OTOGL: variants seen among roughly 807,000 people sequenced by gnomAD.
OTOGL encodes the protein otogelin-like protein.
A neutral mutation model predicts 318.5 loss-of-function variants in OTOGL; 285 were observed. The ratio of observed to expected loss-of-function variants is 0.89; its 90% confidence interval spans 0.81 to 0.99. The LOEUF (loss-of-function observed/expected upper bound fraction) is 0.99, where lower values mean the gene tolerates loss of function less well. Ranked by LOEUF, OTOGL falls within the 50% of genes least tolerant of loss-of-function variation. OTOGL has a pLI of 0.00. For synonymous variants in OTOGL, 987 were observed against 936.5 expected (o/e 1.05, Z -0.99); for missense variants, 2,899 against 2,845.6 (o/e 1.02, Z -0.43).
intron 9 of OTOGL, among the ~76,000 whole-genome samples, chr12:80,236,785 G>GTTTTTATTT (rs1879888717): frequency 6.8e-6 from 1 of 146,304 alleles, no homozygotes; most frequent in African/African-American, 2.5e-5. Flanking sequence ...TTTCGTTTTT[G>GTTTTTATTT]TTTTTGTTTT....
At chr12:80,272,759 T>C (rs1287556703) in intron 24 of OTOGL, among the ~76,000 whole-genome samples, 2 of 152,066 alleles carry the variant, frequency 1.3e-5, no homozygotes. Context: ...CTGGAATAGG[T>C]TGAAGAGCCA....
intron 26 of OTOGL, among the ~76,000 whole-genome samples, chr12:80,285,969 T>C (rs1413792725): frequency 6.6e-6 from 1 of 152,226 alleles, no homozygotes; most frequent in Non-Finnish European, 1.5e-5. Flanking sequence ...AGGGAATGCT[T>C]CCAGTTTTTG....
chr12:80,312,728 C>A (rs1376659253), intron 30 of OTOGL, among the ~76,000 whole-genome samples: 1 of 152,150 alleles, frequency 6.6e-6, no homozygotes, highest in East Asian at 1.9e-4. Flanking sequence ...TGGTTCTTTT[C>A]CACTTGAAAA....
intron 1 of OTOGL, among the ~76,000 whole-genome samples, chr12:80,110,067 CTTTTTTTT>C (rs35589524): frequency 5.8e-5 from 6 of 103,762 alleles, no homozygotes; most frequent in African/African-American, 1.2e-4. Context: ...TTCTTTCTTT[CTTTTTTTT>C]TTTTTTTTTT....
At position 80,323,799 on chromosome 12, in the gene OTOGL, A is replaced by T; in HGVS notation, c.4158A>T (p.Thr1386=). ...YEPCATPCFK[T]CSDPEALACK... ...CTTGTGCTACACCCTGTTTTAAAAC[A>T]TGTAGTGACCCTGAAGCACTAGCAT... is the stretch of plus-strand genomic sequence containing the variant. Residue 1386 remains threonine (T), a synonymous_variant, in exon 35 of 59, where the codon ACA becomes ACT. Coordinates refer to ENST00000547103, the MANE Select transcript of OTOGL (RefSeq NM_001378609.3). The T allele has an allele frequency of 6.2e-7, 1 of 1,613,836 alleles. No individual in the cohort carries two copies. Among genetic ancestry groups the T allele is most frequent in the Non-Finnish European group, 8.5e-7 (1 of 1,179,708 alleles).
intron 1 of OTOGL, among the ~76,000 whole-genome samples, chr12:80,127,748 C>A (rs1191530158): frequency 2.6e-5 from 4 of 152,140 alleles, no homozygotes; most frequent in Non-Finnish European, 5.9e-5. Flanking sequence ...TCTTTTTATT[C>A]TTTTTTCTCT....
In OTOGL at chr12:80,379,151, T is replaced by C. The variant is rs535281266; in HGVS notation, c.*1103T>C. On this transcript the variant is annotated 3_prime_UTR_variant, in exon 59 of 59. Transcript: ENST00000547103. ...TATTGACATTTGCAAGAAGAATGTA[T>C]TGAGGTCTTTGGAAATGCCCAAATT... The C allele has an allele frequency of 4.6e-5, 7 of 152,412 alleles. No homozygotes were observed. The East Asian group carries it at 1.3e-3, about 29-fold the overall frequency. The allele number at this position is 152,412 out of a possible 1,614,324, so 9.4% of individuals were successfully genotyped here.
intron 45 of OTOGL, 87 bp downstream of exon 45, chr12:80,352,523 T>A: frequency 8.8e-7 from 1 of 1,135,282 alleles, no homozygotes; most frequent in Non-Finnish European, 1.2e-6. Context: ...TTTTTTATCA[T>A]GAACTAATTT....
intron 1 of OTOGL, among the ~76,000 whole-genome samples, chr12:80,154,214 C>G (rs939368842): frequency 6.6e-6 from 1 of 152,018 alleles, no homozygotes; most frequent in Non-Finnish European, 1.5e-5. Context: ...GAGACTGGGG[C>G]AGGAGAATCT....
At chr12:80,153,235 G>A (rs76684804) in intron 1 of OTOGL, among the ~76,000 whole-genome samples, 2,822 of 152,226 alleles carry the variant, frequency 0.019, 81 homozygotes, top group African/African-American at 0.062. Context: ...ATGAGGGCAC[G>A]TTTTCTGGTT....
chr12:80,330,001 A>G (rs1887971090), intron 37 of OTOGL, among the ~76,000 whole-genome samples: 1 of 152,170 alleles, frequency 6.6e-6, no homozygotes, highest in African/African-American at 2.4e-5. Flanking sequence ...TGGGTAGGCT[A>G]AGAGAAGAGG....
intron 7 of OTOGL, among the ~76,000 whole-genome samples, chr12:80,227,623 CT>C (rs993499972): frequency 2.0e-5 from 3 of 152,240 alleles, no homozygotes; most frequent in Non-Finnish European, 4.4e-5. Context: ...ATCTATATGT[CT>C]TTTTTTCCAT....
intron 6 of OTOGL, among the ~76,000 whole-genome samples, chr12:80,221,004 T>C (rs1040513402): frequency 6.6e-6 from 1 of 152,140 alleles, no homozygotes; most frequent in African/African-American, 2.4e-5. Flanking sequence ...AAATACAAGA[T>C]GTAAAGAGTC....
At chr12:80,307,723 G>A (rs1254173649) in intron 29 of OTOGL, among the ~76,000 whole-genome samples, 1 of 145,056 alleles carries the variant, frequency 6.9e-6, no homozygotes, top group Non-Finnish European at 1.5e-5. Context: ...CGGACGGGGC[G>A]GCTGGCCGAG....
intron 44 of OTOGL, 124 bp from the exon 45 acceptor site, chr12:80,352,167 AAGTC>A: frequency 4.9e-6 from 4 of 815,452 alleles, no homozygotes; most frequent in Non-Finnish European, 7.3e-6. Flanking sequence ...TGAAAATGTA[AAGTC>A]TATGATGAAG....
intron 1 of OTOGL, among the ~76,000 whole-genome samples, chr12:80,190,229 A>C (rs562563066): frequency 5.9e-5 from 9 of 152,294 alleles, no homozygotes; most frequent in Admixed American, 4.6e-4. Context: ...TGTGCTGTGC[A>C]TCTTAACTGA....
chr12:80,283,955 A>G (rs900603010), intron 26 of OTOGL, among the ~76,000 whole-genome samples: 2 of 151,934 alleles, frequency 1.3e-5, no homozygotes, highest in African/African-American at 4.8e-5. Flanking sequence ...GGTTTGCTAC[A>G]CCCATCAACC....
intron 1 of OTOGL, among the ~76,000 whole-genome samples, chr12:80,112,139 GT>G (rs2137081696): frequency 6.6e-6 from 1 of 152,318 alleles, no homozygotes; most frequent in South Asian, 2.1e-4. Flanking sequence ...AGTTTAAGGA[GT>G]TTTGGGGCTG....
Position 80,301,221 on chromosome 12 carries a change from A to G in OTOGL, c.3064-1413A>G, listed in dbSNP as rs997045257. ...TTACTTACTTTGATGTTAACTGTGC[A>G]TTTTTGAAGTTATTATATGAGTTAA... On this transcript the variant is annotated intron_variant, in intron 27 of 58. Coordinates refer to ENST00000547103, the MANE Select transcript of OTOGL (RefSeq NM_001378609.3). 5.3e-5 allele frequency among the ~76,000 whole-genome samples: 8 copies of G among 152,238 alleles called. No homozygotes were observed. In the South Asian group the frequency reaches 1.5e-3, roughly 28 times the overall value.
Sources: allele counts gnomAD v4.1 joint callset (sites outside exome capture counted in the v4.1 genomes callset), GRCh38; gene constraint gnomAD v4.1.1; transcripts MANE v1.5; gene names NCBI Gene and HGNC (gene_info 2026-07-23, HGNC 2026-07-21).